Variants in MYO5A observed in about 807,000 individuals in gnomAD.
The protein encoded by MYO5A is unconventional myosin-Va.
A neutral mutation model predicts 249.7 loss-of-function variants in MYO5A; 98 were observed. The ratio of observed to expected loss-of-function variants is 0.39; its 90% CI spans 0.33 to 0.46. MYO5A has a LOEUF of 0.46. MYO5A is among the 20% of genes least tolerant of loss of function. The pLI, the probability that MYO5A is intolerant of heterozygous loss-of-function variation, is 0.98. For synonymous variants in MYO5A, 778 were observed against 810.6 expected (o/e 0.96, Z 0.68); for missense variants, 1,696 against 2,308.8 (o/e 0.73, Z 5.44).
intron 36 of MYO5A, among the ~76,000 whole-genome samples, chr15:52,325,480 C>A (rs1347027663): frequency 6.6e-6 from 1 of 150,698 alleles, no homozygotes; most frequent in Non-Finnish European, 1.5e-5. Flanking sequence ...TGGCTCACTG[C>A]AGCTTTGACC....
At chr15:52,400,765 T>C (rs1458566665) in intron 9 of MYO5A, among the ~76,000 whole-genome samples, 1 of 152,230 alleles carries the variant, frequency 6.6e-6, no homozygotes, top group Non-Finnish European at 1.5e-5. Context: ...ATATTGGTAC[T>C]ATCAATTGTG....
At chr15:52,314,279 A>C (rs2037886327) in intron 40 of MYO5A, 76 bp from the exon 41 acceptor site, 1 of 1,103,158 alleles carries the variant, frequency 9.1e-7, no homozygotes, top group East Asian at 2.4e-5. Flanking sequence ...TGGAAAATTA[A>C]AAGGATCTGT....
chr15:52,335,464 C>T (rs753016322), intron 34 of MYO5A, among the ~76,000 whole-genome samples: 3 of 143,782 alleles, frequency 2.1e-5, no homozygotes, highest in Non-Finnish European at 4.5e-5. Context: ...TGCAGTGAGC[C>T]GAGATTGCAC....
intron 1 of MYO5A, among the ~76,000 whole-genome samples, chr15:52,466,879 G>T (rs1266852529): frequency 6.6e-6 from 1 of 152,178 alleles, no homozygotes; most frequent in Non-Finnish European, 1.5e-5. Context: ...AAAGAGAAGA[G>T]CTTCTCACAA....
chr15:52,464,350 C>A (rs1265979169), intron 1 of MYO5A, among the ~76,000 whole-genome samples: 3 of 152,148 alleles, frequency 2.0e-5, no homozygotes, highest in African/African-American at 7.2e-5. Flanking sequence ...CCTAGAACAC[C>A]CAAACTACAA....
rs143788403 is a variant in MYO5A, at chr15:52,493,661, CA to C, written c.27+35118del. Among the ~76,000 whole-genome samples the C allele has an allele frequency of 5.5e-4, 78 of 141,192 alleles. 1 individual carries two copies. The East Asian group carries it at 7.5e-3, about 14-fold the overall frequency. 92.6% of individuals were successfully genotyped at this position (141,192 alleles called of 152,430 possible). On this transcript the variant is annotated intron_variant, in intron 1 of 41. Coordinates refer to ENST00000399233, the MANE Select transcript of MYO5A (RefSeq NM_001382347.1). Reference sequence around the variant, plus strand: ...TGGGCGATAGAGCGAGACTCAGTCTCAAAAAAAAAAGAAAAAAAATGTATTC... The same window carrying C: ...TGGGCGATAGAGCGAGACTCAGTCTCAAAAAAAAAGAAAAAAAATGTATTC...
intron 16 of MYO5A, among the ~76,000 whole-genome samples, chr15:52,381,173 A>G (rs1362367783): frequency 1.7e-4 from 5 of 30,246 alleles, no homozygotes; most frequent in Non-Finnish European, 9.2e-4. Flanking sequence ...CCCCTGTGCT[A>G]TCTTCTCAGG....
At chr15:52,456,135 A>G (rs2076113804) in intron 1 of MYO5A, among the ~76,000 whole-genome samples, 1 of 152,152 alleles carries the variant, frequency 6.6e-6, no homozygotes, top group African/African-American at 2.4e-5. Flanking sequence ...CAAAATCAAC[A>G]TACAAAACCA....
At chr15:52,425,761 G>A in intron 4 of MYO5A, 69 bp downstream of exon 4, 2 of 1,552,738 alleles carry the variant, frequency 1.3e-6, no homozygotes, top group Admixed American at 1.7e-5. Context: ...TAAAATATAT[G>A]TGACTTAGCA....
chr15:52,488,640 TAAA>T (rs2076872392), intron 1 of MYO5A, among the ~76,000 whole-genome samples: 1 of 152,216 alleles, frequency 6.6e-6, no homozygotes, highest in East Asian at 1.9e-4. Context: ...AGTGAAATAA[TAAA>T]ATGGTTGTGA....
intron 16 of MYO5A, among the ~76,000 whole-genome samples, chr15:52,382,253 G>A (rs981817889): frequency 6.6e-6 from 1 of 152,166 alleles, no homozygotes; most frequent in Non-Finnish European, 1.5e-5. Flanking sequence ...CCTGAAAACT[G>A]TCTTTACAAT....
chr15:52,388,485 C>T (rs1422524427), intron 13 of MYO5A, among the ~76,000 whole-genome samples: 3 of 152,188 alleles, frequency 2.0e-5, no homozygotes, highest in Admixed American at 6.5e-5. Context: ...TCAAAGCTTG[C>T]ATGACAAAAC....
chr15:52,495,454 A>T (rs1268898635), intron 1 of MYO5A, among the ~76,000 whole-genome samples: 2 of 152,130 alleles, frequency 1.3e-5, no homozygotes, highest in African/African-American at 4.8e-5. Context: ...TTAGACAGGA[A>T]GAGTAAGTTC....
intron 4 of MYO5A, among the ~76,000 whole-genome samples, chr15:52,420,703 T>C (rs2043745138): frequency 6.6e-6 from 1 of 151,866 alleles, no homozygotes; most frequent in African/African-American, 2.4e-5. Flanking sequence ...AAAATCTGAG[T>C]GGGATAATGA....
chr15:52,472,016 T>A (rs1420091134), intron 1 of MYO5A, among the ~76,000 whole-genome samples: 2 of 151,862 alleles, frequency 1.3e-5, no homozygotes, highest in African/African-American at 2.4e-5. Context: ...ATTTTCTTAA[T>A]GGCATCTGGC....
rs145877690 is a variant in MYO5A, at chr15:52,359,258, T to C, written c.3423+710A>G. 1.5e-3 allele frequency among the ~76,000 whole-genome samples: 223 copies of C among 152,316 alleles called. 3 individuals carry two copies. The highest frequency in any genetic ancestry group is 5.2e-3 in the African/African-American group (215 of 41,574). On this transcript the variant is annotated intron_variant, in intron 25 of 41. Transcript: ENST00000399233. ...TTCTGATTTGGCCATTTTCAAAAAA[T>C]ATAATATAAAAATAGGACAGTTGTG...
At chr15:52,327,723 A>C in intron 36 of MYO5A, 129 bp downstream of exon 36, 1 of 965,496 alleles carries the variant, frequency 1.0e-6, no homozygotes, top group Admixed American at 1.7e-5. Flanking sequence ...ATAGATAGGT[A>C]AGTAAATAAA....
chr15:52,451,741 T>C (rs2076024702), intron 1 of MYO5A, among the ~76,000 whole-genome samples: 1 of 152,218 alleles, frequency 6.6e-6, no homozygotes, highest in Non-Finnish European at 1.5e-5. Flanking sequence ...AGTTCACTTG[T>C]TTTCTGACTG....
At position 52,426,026 on chromosome 15, in the gene MYO5A, T is replaced by C; in HGVS notation, c.311-52A>G. On this transcript the variant is annotated intron_variant, in intron 3 of 41. Coordinates refer to ENST00000399233, the MANE Select transcript of MYO5A (RefSeq NM_001382347.1). ...GAAAAAGAAGTCAATGATACCCTAA[T>C]GGGCATATCAAACTTAGTAAAGTGA... is the stretch of plus-strand genomic sequence containing the variant. 1.3e-6 allele frequency: 2 copies of C among 1,512,612 alleles called. 1 individual carries two copies. The highest frequency in any genetic ancestry group is 2.3e-5 in the South Asian group (2 of 87,454). The allele number at this position is 1,512,612 out of a possible 1,614,324, so 93.7% of individuals were successfully genotyped here. A position where few individuals can be genotyped will look rare whatever the true frequency, so the allele number is the denominator to read the frequency against.
Sources: allele counts gnomAD v4.1 joint callset (sites outside exome capture counted in the v4.1 genomes callset), GRCh38; gene constraint gnomAD v4.1.1; transcripts MANE v1.5; gene names NCBI Gene and HGNC (gene_info 2026-07-23, HGNC 2026-07-21).